The following ELF1 variants were observed in gnomAD, a reference collection of about 807,000 sequenced individuals.
ELF1 encodes E74 like ETS transcription factor 1, also known as ETS-related transcription factor Elf-1.
ELF1 carries 24 observed loss-of-function variants against 59.9 expected under a neutral mutation model. That is an observed-to-expected ratio of 0.40 (90% CI 0.29 to 0.56). The LOEUF (loss-of-function observed/expected upper bound fraction) is 0.56. Among genes scored for constraint, ELF1 ranks in the 20% least tolerant of loss-of-function variants. The pLI, the probability that ELF1 is intolerant of heterozygous loss-of-function variation, is 0.44. For synonymous variants in ELF1, 248 were observed against 266.2 expected, an observed-to-expected ratio of 0.93 and a Z score of 0.67; for missense variants, 627 against 742.2, an observed-to-expected ratio of 0.84 and a Z score of 1.80.
At chr13:40,987,389 T>C (rs2138289789) in intron 1 of ELF1, among the ~76,000 whole-genome samples, 2 of 150,022 alleles carry the variant, frequency 1.3e-5, no homozygotes, top group East Asian at 4.0e-4. Flanking sequence ...GAGACCAGCC[T>C]GACCAACATG....
chr13:40,954,273 G>A (rs930762838), intron 3 of ELF1, among the ~76,000 whole-genome samples: 59 of 152,140 alleles, frequency 3.9e-4, no homozygotes, highest in African/African-American at 1.4e-3. Context: ...ATTTGTCCCC[G>A]CTCCAAATCT....
intron 1 of ELF1, among the ~76,000 whole-genome samples, chr13:41,036,884 C>A (rs1162931064): frequency 6.7e-6 from 1 of 149,778 alleles, no homozygotes; most frequent in Non-Finnish European, 1.5e-5. Flanking sequence ...TGTTCTCACT[C>A]ATAGGTGGGA....
chr13:40,959,053 G>A (rs1028483530), intron 2 of ELF1, 37 bp from the exon 3 acceptor site: 1 of 1,546,156 alleles, frequency 6.5e-7, no homozygotes, highest in Non-Finnish European at 8.7e-7. Flanking sequence ...GAAAACAAAG[G>A]ATTAACACAG....
intron 8 of ELF1, among the ~76,000 whole-genome samples, chr13:40,937,246 AC>A (rs1169305084): frequency 6.6e-6 from 1 of 152,200 alleles, no homozygotes; most frequent in African/African-American, 2.4e-5. Context: ...CTTGTAAACA[AC>A]TGGAAAAATA....
rs553578030 is a variant in ELF1 at position 41,035,897 on chromosome 13, CT to C, written c.-229+24940del. 1.5e-4 allele frequency among the ~76,000 whole-genome samples: 19 copies of C among 129,146 alleles called. No homozygotes were observed. The South Asian group carries it at 3.7e-3, about 25-fold the overall frequency. The allele number at this position is 129,146 out of a possible 152,430, so 84.7% of individuals were successfully genotyped here. ...AATTGACGACAACAAAAAACCTTTT[CT>C]TTTTTTCTTTTTTTTTTTTGAGATG... On this transcript the variant is annotated intron_variant, in intron 1 of 1. Transcript: ENST00000405737.
At chr13:40,982,807 C>T (rs1209771122) in intron 1 of ELF1, 1 of 902,050 alleles carries the variant, frequency 1.1e-6, no homozygotes, top group East Asian at 1.2e-4. Flanking sequence ...AAAGCCCACT[C>T]TTTCTGTTCT....
chr13:41,038,474 A>G (rs1876475693), intron 1 of ELF1, among the ~76,000 whole-genome samples: 1 of 152,178 alleles, frequency 6.6e-6, no homozygotes, highest in Non-Finnish European at 1.5e-5. Context: ...CTGAGATGGC[A>G]CCACTGCTCT....
chr13:41,058,024 A>G lies in ELF1; in HGVS notation c.-229+2814T>C, dbSNP rs868864445. On this transcript the variant is annotated intron_variant, in intron 1 of 1. Transcript: ENST00000405737. Reference sequence around the variant, plus strand: ...TCCATTCTATTAATTACAAATTAATATTCAACTCCTAAACATAAAATGTAC... The same window carrying G: ...TCCATTCTATTAATTACAAATTAATGTTCAACTCCTAAACATAAAATGTAC... 3.3e-5 allele frequency among the ~76,000 whole-genome samples: 5 copies of G among 152,250 alleles called. 1 individual carries two copies. The South Asian group carries it at 1.0e-3, about 31-fold the overall frequency.
At chr13:40,939,305 A>G (rs1869984404) in intron 8 of ELF1, among the ~76,000 whole-genome samples, 1 of 152,184 alleles carries the variant, frequency 6.6e-6, no homozygotes, top group South Asian at 2.1e-4. Flanking sequence ...AAAGCTAGCT[A>G]GACTTTGTCT....
rs149437105 is a variant in ELF1 at position 40,984,513 on chromosome 13, A to G, written c.-228-2231T>C. Among the ~76,000 whole-genome samples the G allele has an allele frequency of 3.1e-3, 472 of 152,296 alleles. 3 individuals carry two copies. The highest frequency in any genetic ancestry group is 6.8e-3 in the Middle Eastern group (2 of 294). ...AGCCCAGGAGTTCAAGGCCGTAGTGAGCCATGATTGCCACTGTACTCCAGC... is the reference window on the plus strand; with the variant it reads ...AGCCCAGGAGTTCAAGGCCGTAGTGGGCCATGATTGCCACTGTACTCCAGC... On this transcript the variant is annotated intron_variant, in intron 1 of 8. Coordinates refer to ENST00000239882, the MANE Select transcript of ELF1 (RefSeq NM_172373.4).
intron 1 of ELF1, among the ~76,000 whole-genome samples, chr13:41,013,212 G>A (rs1056876932): frequency 1.3e-5 from 2 of 152,050 alleles, no homozygotes; most frequent in Non-Finnish European, 2.9e-5. Flanking sequence ...AGATAATGAA[G>A]AACTCTAAAT....
intron 1 of ELF1, among the ~76,000 whole-genome samples, chr13:40,997,122 T>C (rs1221628072): frequency 1.3e-5 from 2 of 152,242 alleles, no homozygotes; most frequent in East Asian, 1.9e-4. Flanking sequence ...TTTCCATCTT[T>C]TCCCAAGTTA....
Position 40,982,296 on chromosome 13 carries a change from G to C in ELF1, c.-228-14C>G. On this transcript the variant is annotated splice_polypyrimidine_tract_variant and intron_variant, in intron 1 of 8. Transcript: ENST00000239882. ...AAGCTTCTTGGCCTAAAAAACAAAA[G>C]CTCAGATTAGTTATGAAAAAGCAAT... The C allele has an allele frequency of 8.1e-7, 1 of 1,232,494 alleles. No individual in the cohort carries two copies. The highest frequency in any genetic ancestry group is 3.0e-5 in the South Asian group (1 of 33,334). The allele number at this position is 1,232,494 out of a possible 1,614,324, so 76.3% of individuals were successfully genotyped here. A position where few individuals can be genotyped will look rare whatever the true frequency, so the allele number is the denominator to read the frequency against.
At chr13:40,960,140 TA>T (rs1487701153) in intron 2 of ELF1, among the ~76,000 whole-genome samples, 2 of 152,294 alleles carry the variant, frequency 1.3e-5, no homozygotes, top group African/African-American at 4.8e-5. Context: ...TTCCTAAATA[TA>T]AAAATACTAT....
At chr13:40,954,433 C>CTCCTCT (rs372812445) in intron 3 of ELF1, among the ~76,000 whole-genome samples, 170 of 64,600 alleles carry the variant, frequency 2.6e-3, no homozygotes, top group Non-Finnish European at 5.5e-3. Flanking sequence ...CTCCCTCTCC[C>CTCCTCT]CACGGTCTCC....
At chr13:40,994,621 C>T (rs1260732289) in intron 1 of ELF1, among the ~76,000 whole-genome samples, 5 of 152,146 alleles carry the variant, frequency 3.3e-5, no homozygotes, top group Non-Finnish European at 7.4e-5. Flanking sequence ...CCAGCCTGGG[C>T]AACAGAGCAA....
intron 2 of ELF1, among the ~76,000 whole-genome samples, chr13:40,965,487 G>A (rs1260099200): frequency 6.6e-6 from 1 of 152,040 alleles, no homozygotes; most frequent in African/African-American, 2.4e-5. Flanking sequence ...GCTGGGTGTG[G>A]TGGTGTGCAC....
At chr13:41,023,369 A>C (rs1409265794), upstream of ELF1, among the ~76,000 whole-genome samples, 1 of 152,216 alleles carries the variant, frequency 6.6e-6, no homozygotes, top group East Asian at 1.9e-4. Context: ...ATAGGTCGGG[A>C]GCTAACATGC....
chr13:41,014,725 G>T (rs1052479899), intron 1 of ELF1, among the ~76,000 whole-genome samples: 1 of 152,036 alleles, frequency 6.6e-6, no homozygotes, highest in African/African-American at 2.4e-5. Context: ...AAATAGTCTG[G>T]CTAATTTATG....
Sources: gnomAD v4.1 joint callset for allele counts (sites outside exome capture counted in the v4.1 genomes callset) on GRCh38, gnomAD v4.1.1 for gene constraint, MANE v1.5 for transcripts, NCBI Gene and HGNC (gene_info 2026-07-23, HGNC 2026-07-21) for gene names.